The following WNT4 variants were observed in gnomAD, a reference collection of about 807,000 sequenced individuals.
The protein encoded by WNT4 is Wnt family member 4, also known as protein Wnt-4.
WNT4 carries 16 observed loss-of-function variants against 34.5 expected under a neutral mutation model. The observed-to-expected ratio is 0.46, with a 90% confidence interval of 0.31 to 0.70. The LOEUF (loss-of-function observed/expected upper bound fraction) is 0.70, where lower values mean the gene tolerates loss of function less well. Among genes scored for constraint, WNT4 ranks in the 30% least tolerant of loss-of-function variants. WNT4 has a pLI of 0.04. For synonymous variants in WNT4, 200 were observed against 211.9 expected, an observed-to-expected ratio of 0.94 and a Z score of 0.49; for missense variants, 379 against 495.9, an observed-to-expected ratio of 0.76 and a Z score of 2.24.
chr1:22,127,507 A>G, intron 2 of WNT4: 1 of 528,170 alleles, frequency 1.9e-6, no homozygotes, highest in Non-Finnish European at 3.9e-6. Context: ...TCAATGAGCC[A>G]TGAACCTTGC....
chr1:22,119,427 T>C lies in WNT4; in HGVS notation c.*623A>G, dbSNP rs1478437097. 6.3e-6 allele frequency: 1 copy of C among 157,690 alleles called. No homozygotes were observed. Among genetic ancestry groups the C allele is most frequent in the Non-Finnish European group, 1.4e-5 (1 of 71,238 alleles). The allele number at this position is 157,690 out of a possible 1,614,324, so 9.8% of individuals were successfully genotyped here. ...GGACTTCAGTCGTCTCTTGCTCTCA[T>C]CTCCCTCTTCTTGCCTGGAAGGACC... On this transcript the variant is annotated 3_prime_UTR_variant, in exon 5 of 5. Transcript: ENST00000290167.
intron 1 of WNT4, among the ~76,000 whole-genome samples, chr1:22,141,648 C>T (rs1264377486): frequency 6.6e-6 from 1 of 152,116 alleles, no homozygotes; most frequent in African/African-American, 2.4e-5. Context: ...TTCCACATCA[C>T]CTCCGTCCCC....
At chr1:22,126,515 A>G (rs1258152109) in intron 2 of WNT4, among the ~76,000 whole-genome samples, 2 of 152,328 alleles carry the variant, frequency 1.3e-5, no homozygotes, top group Non-Finnish European at 2.9e-5. Flanking sequence ...GTGGGAGAAC[A>G]GCACTGTAAA....
intron 2 of WNT4, chr1:22,127,147 C>G (rs2235528): frequency 2.6e-6 from 1 of 391,186 alleles, no homozygotes; most frequent in Non-Finnish European, 5.4e-6. Context: ...TGGCACCTGC[C>G]GAGTGTGACT....
In WNT4 at chr1:22,139,641, G is replaced by A. The variant is rs534672970; in HGVS notation, c.77+3205C>T. Among the ~76,000 whole-genome samples the A allele has an allele frequency of 6.6e-6, 1 of 152,312 alleles. No homozygotes were observed. The highest frequency in any genetic ancestry group is 1.9e-4 in the East Asian group (1 of 5,186). On this transcript the variant is annotated intron_variant, in intron 1 of 4. Coordinates refer to ENST00000290167, the MANE Select transcript of WNT4 (RefSeq NM_030761.5). The surrounding 1 kb of genome is among the most constrained non-coding windows in gnomAD (Gnocchi z 4.6). ...CCCCAGCACTTCCATTTGGGGTTCA[G>A]AACGATCTGCTGAGGACTGTGGCCC...
chr1:22,132,552 C>A lies in WNT4; in HGVS notation c.78-2701G>T, dbSNP rs1194059845. On this transcript the variant is annotated intron_variant, in intron 1 of 4. Transcript: ENST00000290167. ...TGGCCGGGCCTCAGGGGCCTGCTGG[C>A]CCCATGCCAGGCTGATAGATGTGTC... Among the ~76,000 whole-genome samples, 3 of 152,188 alleles carry A rather than the reference C, an allele frequency of 2.0e-5. No individual in the cohort carries two copies. The East Asian group carries it at 5.8e-4, about 29-fold the overall frequency.
chr1:22,123,920 A>G (rs1208039612), intron 2 of WNT4, among the ~76,000 whole-genome samples: 2 of 152,198 alleles, frequency 1.3e-5, no homozygotes, highest in Non-Finnish European at 2.9e-5. Flanking sequence ...TGGGCTCAGC[A>G]CAGGAGGCCC....
chr1:22,138,010 A>C (rs1646035813), intron 1 of WNT4, among the ~76,000 whole-genome samples: 1 of 152,212 alleles, frequency 6.6e-6, no homozygotes, highest in Non-Finnish European at 1.5e-5. Context: ...CTGAGCACCT[A>C]GTACCTGACA....
At chr1:22,122,696 A>G (rs1645910913) in intron 2 of WNT4, among the ~76,000 whole-genome samples, 1 of 152,100 alleles carries the variant, frequency 6.6e-6, no homozygotes, top group Non-Finnish European at 1.5e-5. Flanking sequence ...CTTTGGCCCC[A>G]TGGTTGGCAA....
chr1:22,141,471 G>C (rs1646066725), intron 1 of WNT4, among the ~76,000 whole-genome samples: 1 of 152,256 alleles, frequency 6.6e-6, no homozygotes, highest in South Asian at 2.1e-4. Flanking sequence ...TCCATTCAGG[G>C]GGTGGCCTGC....
chr1:22,127,243 T>C (rs774485912), intron 2 of WNT4: 1 of 493,656 alleles, frequency 2.0e-6, no homozygotes. Flanking sequence ...CCAGAGCAGG[T>C]ACCACCCAGG....
In WNT4 at chr1:22,118,367, A is replaced by T. The variant is rs1645864915; in HGVS notation, c.*1683T>A. ...TGGGGGCAGTCTGGAAAGTGGGCTTACAGCAACTTCCTCTGGTGATTGGGA... is the reference window on the plus strand; with the variant it reads ...TGGGGGCAGTCTGGAAAGTGGGCTTTCAGCAACTTCCTCTGGTGATTGGGA... On this transcript the variant is annotated 3_prime_UTR_variant, in exon 5 of 5. Coordinates refer to ENST00000290167, the MANE Select transcript of WNT4 (RefSeq NM_030761.5). 6.6e-6 allele frequency: 1 copy of T among 152,218 alleles called. No homozygotes were observed. Among genetic ancestry groups the T allele is most frequent in the Admixed American group, 6.5e-5 (1 of 15,278 alleles). The allele number at this position is 152,218 out of a possible 1,614,324, so 9.4% of individuals were successfully genotyped here. A position where few individuals can be genotyped will look rare whatever the true frequency, so the allele number is the denominator to read the frequency against.
In WNT4 at chr1:22,137,371, C is replaced by T. The variant is rs1379377416; in HGVS notation, c.77+5475G>A. On this transcript the variant is annotated intron_variant, in intron 1 of 4. Coordinates refer to ENST00000290167, the MANE Select transcript of WNT4 (RefSeq NM_030761.5). This position sits in a 1 kb window ranked among gnomAD's most constrained non-coding sequence, Gnocchi z 5.3. ...GAAATCTGGAGAGCAACCCTGGGGTCGCAGCTCTGCCTGCAGCTGCGCCTG... is the reference window on the plus strand; with the variant it reads ...GAAATCTGGAGAGCAACCCTGGGGTTGCAGCTCTGCCTGCAGCTGCGCCTG... Among the ~76,000 whole-genome samples, 6 of 152,140 alleles carry T rather than the reference C, an allele frequency of 3.9e-5. No individual in the cohort carries two copies. Among genetic ancestry groups the T allele is most frequent in the East Asian group, 1.9e-4 (1 of 5,196 alleles).
intron 1 of WNT4, among the ~76,000 whole-genome samples, chr1:22,141,251 C>T (rs1646063954): frequency 6.6e-6 from 1 of 152,230 alleles, no homozygotes; most frequent in Non-Finnish European, 1.5e-5. Flanking sequence ...GCTTGGACTG[C>T]CACTTTTTTT....
chr1:22,142,847 G>T lies in WNT4; in HGVS notation c.76C>A (p.Leu26Met). ...CCGCTCGGCCCCGGCCAGACTTACA[G>T]CCAGTTGCTCGCGGCGGCTGAGAAG... ...AVFSAAASNW[L>M]YLAKLSSVGS... Residue 26 changes from leucine (L) to methionine (M), a missense_variant and splice_region_variant, in exon 1 of 5, where the codon CTG (leucine) becomes ATG (methionine). Physicochemically the swap from Leu to Met is conservative, Grantham distance 15. This residue lies in a region of WNT4 where 66 missense variants were observed against 50.1 expected (regional missense o/e 1.32). Transcript: ENST00000290167. The surrounding 1 kb of genome is among the most constrained non-coding windows in gnomAD (Gnocchi z 6.0). The T allele has an allele frequency of 8.3e-7, 1 of 1,210,404 alleles. No individual in the cohort carries two copies. The highest frequency in any genetic ancestry group is 1.1e-6 in the Non-Finnish European group (1 of 946,348). The allele number at this position is 1,210,404 out of a possible 1,614,324, so 75.0% of individuals were successfully genotyped here.
At chr1:22,141,727 A>G (rs1158234406) in intron 1 of WNT4, among the ~76,000 whole-genome samples, 1 of 152,138 alleles carries the variant, frequency 6.6e-6, no homozygotes, top group Non-Finnish European at 1.5e-5. Context: ...GCTGGCCACA[A>G]TGACCTCATA....
chr1:22,131,754 G>A (rs12074584), intron 1 of WNT4, among the ~76,000 whole-genome samples: 3,350 of 152,288 alleles, frequency 0.022, 120 homozygotes, highest in African/African-American at 0.075. Context: ...CAAAGTAGGC[G>A]GTCTCAGGCC....
In WNT4 at chr1:22,129,833, C is replaced by G; in HGVS notation, c.96G>C (p.Ser32=). 3.7e-6 allele frequency: 6 copies of G among 1,613,876 alleles called. No individual in the cohort carries two copies. Among genetic ancestry groups the G allele is most frequent in the Non-Finnish European group, 5.1e-6 (6 of 1,180,028 alleles). The change falls in exon 2 of 5, where the codon TCG becomes TCC. Residue 32 remains serine, a synonymous_variant. Coordinates refer to ENST00000290167, the MANE Select transcript of WNT4 (RefSeq NM_030761.5). ...CCTCCTCTGAGATGCTCCCCACCGA[C>G]GACAGCTTGGCCAGGTACCTGGGGA... ...ASNWLYLAKL[S]SVGSISEEET... is the part of the protein sequence containing the mutation.
At chr1:22,138,959 G>A (rs1036304178) in intron 1 of WNT4, among the ~76,000 whole-genome samples, 5 of 152,188 alleles carry the variant, frequency 3.3e-5, no homozygotes, top group Admixed American at 6.5e-5. Flanking sequence ...AGCATGATGC[G>A]TCCTTCACTG....
Sources: gnomAD v4.1 joint callset for allele counts (sites outside exome capture counted in the v4.1 genomes callset) on GRCh38, gnomAD v4.1.1 for gene constraint, gnomAD v4.1.1 regional missense constraint, Gnocchi (gnomAD v3.1) non-coding constraint, MANE v1.5 for transcripts, NCBI Gene and HGNC (gene_info 2026-07-23, HGNC 2026-07-21) for gene names.